Variants in PTPRD observed in about 807,000 individuals in gnomAD.
The protein encoded by PTPRD is protein tyrosine phosphatase receptor type D.
In PTPRD, 34 loss-of-function variants were observed where a neutral mutation model predicts 214.5. The observed-to-expected ratio is 0.16, with a 90% confidence interval of 0.12 to 0.21. The LOEUF (loss-of-function observed/expected upper bound fraction) is 0.21, where lower values mean the gene tolerates loss of function less well. Among genes scored for constraint, PTPRD ranks in the 10% least tolerant of loss-of-function variants. PTPRD has a pLI of 1.00. For missense variants in PTPRD, 2,545 were observed against 2,398.7 expected (o/e 1.06, Z -1.27); for synonymous variants, 1,128 against 845.7 (o/e 1.33, Z -5.79).
At chr9:10,238,316 C>CT (rs1439901168) in intron 3 of PTPRD, among the ~76,000 whole-genome samples, 1 of 151,858 alleles carries the variant, frequency 6.6e-6, no homozygotes, top group African/African-American at 2.4e-5. Flanking sequence ...TACTAGGACT[C>CT]TAAGACTAGT....
intron 9 of PTPRD, among the ~76,000 whole-genome samples, chr9:9,194,503 ATGTCACTGG>A (rs2099937089): frequency 6.6e-6 from 1 of 152,156 alleles, no homozygotes; most frequent in South Asian, 2.1e-4. Context: ...AATGGCTGTG[ATGTCACTGG>A]GTGACAGGAA....
intron 11 of PTPRD, among the ~76,000 whole-genome samples, chr9:8,804,567 A>C (rs2096637157): frequency 1.3e-5 from 2 of 152,096 alleles, no homozygotes; most frequent in South Asian, 4.1e-4. Flanking sequence ...AATGCACTGC[A>C]GTCCCGTGTG....
intron 10 of PTPRD, among the ~76,000 whole-genome samples, chr9:9,030,993 G>C (rs1324718369): frequency 6.6e-6 from 1 of 151,920 alleles, no homozygotes; most frequent in East Asian, 1.9e-4. Flanking sequence ...GGCTGAGTCT[G>C]ATATAATGGT....
At chr9:9,286,620 G>T (rs567093822) in intron 9 of PTPRD, among the ~76,000 whole-genome samples, 1 of 151,040 alleles carries the variant, frequency 6.6e-6, no homozygotes, top group Non-Finnish European at 1.5e-5. Flanking sequence ...ATGCTCTATA[G>T]AACCTTTCCT....
chr9:9,051,685 A>C (rs1313531733), intron 10 of PTPRD, among the ~76,000 whole-genome samples: 1 of 152,196 alleles, frequency 6.6e-6, no homozygotes, highest in African/African-American at 2.4e-5. Flanking sequence ...ATGGTCATTA[A>C]AAAAGAAGGT....
At chr9:9,989,536 C>G (rs1231207785) in intron 4 of PTPRD, among the ~76,000 whole-genome samples, 1 of 152,036 alleles carries the variant, frequency 6.6e-6, no homozygotes, top group Non-Finnish European at 1.5e-5. Context: ...CCATTCCATC[C>G]CCCTTCTAGC....
chr9:10,320,778 A>G (rs1303188557), intron 3 of PTPRD, among the ~76,000 whole-genome samples: 1 of 151,942 alleles, frequency 6.6e-6, no homozygotes, highest in East Asian at 2.0e-4. Context: ...ACCAGGCTGG[A>G]GTACAGTGGC....
chr9:9,914,775 T>A (rs1292160631), intron 5 of PTPRD, among the ~76,000 whole-genome samples: 1 of 152,156 alleles, frequency 6.6e-6, no homozygotes, highest in Non-Finnish European at 1.5e-5. Context: ...TGTGCTCATA[T>A]CTCAGGCCTG....
chr9:10,330,422 G>A (rs543882327), intron 3 of PTPRD, among the ~76,000 whole-genome samples: 15 of 151,898 alleles, frequency 9.9e-5, no homozygotes, highest in Non-Finnish European at 1.3e-4. Context: ...GTTATTATAA[G>A]ATAATGTAGG....
At chr9:8,409,067 G>T (rs1344284046) in intron 35 of PTPRD, among the ~76,000 whole-genome samples, 1 of 152,138 alleles carries the variant, frequency 6.6e-6, no homozygotes, top group Non-Finnish European at 1.5e-5. Flanking sequence ...GGTTTGCATT[G>T]TATTCTCGAC....
chr9:8,537,768 G>C (rs2077309143), intron 14 of PTPRD, among the ~76,000 whole-genome samples: 1 of 151,958 alleles, frequency 6.6e-6, no homozygotes, highest in Non-Finnish European at 1.5e-5. Context: ...ACTCCGGGCA[G>C]AGAATAAAAC....
chr9:8,666,549 TACTCTCCTTTCACAGAAACTAC>T (rs1411059406), intron 12 of PTPRD, among the ~76,000 whole-genome samples: 1 of 152,318 alleles, frequency 6.6e-6, no homozygotes, highest in East Asian at 1.9e-4. Flanking sequence ...TGAAGCCAAA[TACTCTCCTTTCACAGAAACTAC>T]CTTTTTCTCA....
intron 3 of PTPRD, among the ~76,000 whole-genome samples, chr9:10,278,821 C>G (rs1463631504): frequency 6.6e-6 from 1 of 151,928 alleles, no homozygotes; most frequent in Non-Finnish European, 1.5e-5. Context: ...GTTGCCCAGG[C>G]TGGAGTGCAG....
At chr9:10,239,239 A>T (rs1438967171) in intron 3 of PTPRD, among the ~76,000 whole-genome samples, 1 of 151,990 alleles carries the variant, frequency 6.6e-6, no homozygotes, top group Non-Finnish European at 1.5e-5. Flanking sequence ...CCTCCATAGG[A>T]ATACTGCTGA....
At chr9:9,209,741 T>G (rs931502928) in intron 9 of PTPRD, among the ~76,000 whole-genome samples, 2 of 152,212 alleles carry the variant, frequency 1.3e-5, no homozygotes, top group South Asian at 2.1e-4. Context: ...TTTTTATAAG[T>G]GTTTAAAATT....
chr9:8,586,501 G>C (rs1594619647), intron 14 of PTPRD, among the ~76,000 whole-genome samples: 1 of 151,972 alleles, frequency 6.6e-6, no homozygotes, highest in East Asian at 1.9e-4. Context: ...GCTAGGCTGG[G>C]ATCAAAGGCA....
intron 12 of PTPRD, among the ~76,000 whole-genome samples, chr9:8,731,059 T>C (rs1161981619): frequency 6.6e-6 from 1 of 152,182 alleles, no homozygotes; most frequent in East Asian, 1.9e-4. Flanking sequence ...CTGAGGGATA[T>C]TATCACAATT....
chr9:9,923,557 GT>G (rs2083277588), intron 5 of PTPRD, among the ~76,000 whole-genome samples: 1 of 151,816 alleles, frequency 6.6e-6, no homozygotes, highest in South Asian at 2.1e-4. Flanking sequence ...ATGCTTAAAC[GT>G]TTCCTACAAA....
intron 10 of PTPRD, among the ~76,000 whole-genome samples, chr9:9,102,477 T>C (rs1290212442): frequency 2.0e-5 from 3 of 152,102 alleles, no homozygotes; most frequent in Admixed American, 1.3e-4. Flanking sequence ...TAGAGAGAGG[T>C]GGCCTTCAGC....
Sources: allele counts gnomAD v4.1 joint callset (sites outside exome capture counted in the v4.1 genomes callset), GRCh38; gene constraint gnomAD v4.1.1; transcripts MANE v1.5; gene names NCBI Gene and HGNC (gene_info 2026-07-23, HGNC 2026-07-21).